CADPS2: variants seen among roughly 807,000 people sequenced by gnomAD.
The protein encoded by CADPS2 is calcium dependent secretion activator 2.
A neutral mutation model predicts 172.5 loss-of-function variants in CADPS2; 93 were observed. The observed-to-expected ratio is 0.54, with a 90% confidence interval of 0.46 to 0.64. The LOEUF is 0.64. Ranked by LOEUF, CADPS2 falls within the 30% of genes least tolerant of loss-of-function variation. CADPS2 has a pLI of 0.00. For synonymous variants in CADPS2, 546 were observed against 555.2 expected (o/e 0.98, Z 0.23); for missense variants, 1,420 against 1,565.9 (o/e 0.91, Z 1.57).
chr7:122,451,518 T>C (rs1157262683), intron 14 of CADPS2, 43 bp from the exon 15 acceptor site: 1 of 1,116,958 alleles, frequency 9.0e-7, no homozygotes, highest in East Asian at 2.7e-5. Context: ...TGATCGAACA[T>C]TTACTTTTAT....
intron 1 of CADPS2, among the ~76,000 whole-genome samples, chr7:122,756,503 T>C (rs540172176): frequency 6.6e-5 from 10 of 152,262 alleles, no homozygotes; most frequent in South Asian, 4.1e-4. Flanking sequence ...AAGGAAGACA[T>C]AGATGTTACA....
rs71531909 is a variant in CADPS2 at position 122,649,898 on chromosome 7, A to ATTTTTTTTTTTTTTTTTTTTTTTTTTT, written c.786+13312_786+13338dup. Reference sequence around the variant, plus strand: ...TGACATTTTTCTTAAGTATTCAATGATTTTTTTTTTTTTTTTTTTTTTTTT... The same window carrying ATTTTTTTTTTTTTTTTTTTTTTTTTTT: ...TGACATTTTTCTTAAGTATTCAATGATTTTTTTTTTTTTTTTTTTTTTTTTTTTTTTTTTTTTTTTTTTTTTTTTTTT... On this transcript the variant is annotated intron_variant, in intron 3 of 29. Coordinates refer to ENST00000449022, the MANE Select transcript of CADPS2 (RefSeq NM_017954.11). Among the ~76,000 whole-genome samples, 4 of 52,020 alleles carry ATTTTTTTTTTTTTTTTTTTTTTTTTTT rather than the reference A, an allele frequency of 7.7e-5. 1 individual carries two copies. Among genetic ancestry groups the ATTTTTTTTTTTTTTTTTTTTTTTTTTT allele is most frequent in the African/African-American group, 2.4e-4 (3 of 12,546 alleles). The allele number at this position is 52,020 out of a possible 152,430, so 34.1% of individuals were successfully genotyped here.
intron 1 of CADPS2, among the ~76,000 whole-genome samples, chr7:122,824,942 TCTGA>T (rs1269172008): frequency 6.6e-6 from 1 of 152,206 alleles, no homozygotes; most frequent in Non-Finnish European, 1.5e-5. Context: ...TTCTCACTGA[TCTGA>T]CTGAGATGCT....
intron 15 of CADPS2, among the ~76,000 whole-genome samples, chr7:122,445,090 C>A (rs1205124312): frequency 6.6e-6 from 1 of 152,190 alleles, no homozygotes; most frequent in South Asian, 2.1e-4. Context: ...TTTGGACTTT[C>A]AGTAGCATAC....
At chr7:122,776,853 A>G (rs2093898542) in intron 1 of CADPS2, among the ~76,000 whole-genome samples, 4 of 152,188 alleles carry the variant, frequency 2.6e-5, no homozygotes. Flanking sequence ...AACTCTAGCA[A>G]CAATAATAAC....
At chr7:122,373,438 C>T (rs1182864357) in intron 25 of CADPS2, among the ~76,000 whole-genome samples, 4 of 152,074 alleles carry the variant, frequency 2.6e-5, no homozygotes, top group Non-Finnish European at 5.9e-5. Flanking sequence ...GAATCATTGC[C>T]TTACAAGATG....
intron 2 of CADPS2, among the ~76,000 whole-genome samples, chr7:122,709,868 G>A (rs1333225761): frequency 6.6e-6 from 1 of 151,754 alleles, no homozygotes; most frequent in African/African-American, 2.4e-5. Context: ...GAGAACACAT[G>A]GACACAGGAA....
intron 1 of CADPS2, among the ~76,000 whole-genome samples, chr7:122,836,916 C>G (rs1266364100): frequency 6.6e-6 from 1 of 152,024 alleles, no homozygotes; most frequent in African/African-American, 2.4e-5. Context: ...CTCAGCTCTG[C>G]ACCAAGCGGA....
chr7:122,362,683 T>C (rs1390540133), intron 25 of CADPS2, among the ~76,000 whole-genome samples: 2 of 152,184 alleles, frequency 1.3e-5, no homozygotes, highest in Non-Finnish European at 1.5e-5. Context: ...ACAAGGTTTT[T>C]TCAATAGGAA....
At chr7:122,830,339 T>C (rs1267300380) in intron 1 of CADPS2, among the ~76,000 whole-genome samples, 1 of 152,098 alleles carries the variant, frequency 6.6e-6, no homozygotes, top group Non-Finnish European at 1.5e-5. Flanking sequence ...ATTCCATTCA[T>C]TGACACTGCA....
chr7:122,530,738 A>T (rs2061685351), intron 8 of CADPS2, among the ~76,000 whole-genome samples: 1 of 152,184 alleles, frequency 6.6e-6, no homozygotes, highest in Non-Finnish European at 1.5e-5. Context: ...ACTTTGCTAC[A>T]AGATTCACTT....
chr7:122,702,416 A>C (rs1245685979), intron 2 of CADPS2: 1 of 1,613,590 alleles, frequency 6.2e-7, no homozygotes, highest in Admixed American at 1.7e-5. Context: ...TTTATGTGTA[A>C]AAGTACAGCC....
rs913629132 is a variant in CADPS2 at position 122,490,339 on chromosome 7, T to C, written c.1652-58A>G. ...TTTATAGGATTGGCAGATTTTCGTCTCATTCACTAACTGACCTCATGGAAA... is the reference window on the plus strand; with the variant it reads ...TTTATAGGATTGGCAGATTTTCGTCCCATTCACTAACTGACCTCATGGAAA... On this transcript the variant is annotated intron_variant, in intron 10 of 29. Transcript: ENST00000449022. 12 of 1,404,998 alleles carry C rather than the reference T, an allele frequency of 8.5e-6. No homozygotes were observed. The Admixed American group carries it at 1.2e-4, about 14-fold the overall frequency. The allele number at this position is 1,404,998 out of a possible 1,614,324, so 87.0% of individuals were successfully genotyped here.
intron 8 of CADPS2, among the ~76,000 whole-genome samples, chr7:122,532,967 A>T (rs946353516): frequency 6.6e-6 from 1 of 152,028 alleles, no homozygotes; most frequent in Non-Finnish European, 1.5e-5. Flanking sequence ...AGAATGCCCA[A>T]CCTAGTGCTT....
At chr7:122,836,437 C>T (rs1405694278) in intron 1 of CADPS2, among the ~76,000 whole-genome samples, 2 of 151,842 alleles carry the variant, frequency 1.3e-5, no homozygotes, top group East Asian at 1.9e-4. Context: ...CAATATTAAC[C>T]TTAAATGTAA....
At chr7:122,511,724 A>G (rs771428408) in intron 9 of CADPS2, among the ~76,000 whole-genome samples, 1 of 152,206 alleles carries the variant, frequency 6.6e-6, no homozygotes, top group Non-Finnish European at 1.5e-5. Context: ...TGCTGTTTCC[A>G]TGAAAAATCA....
intron 2 of CADPS2, among the ~76,000 whole-genome samples, chr7:122,700,324 CA>C (rs1198082309): frequency 1.3e-5 from 2 of 152,002 alleles, no homozygotes; most frequent in African/African-American, 4.8e-5. Context: ...TAATTTGAGA[CA>C]AGAAAGATGA....
At chr7:122,716,931 T>C (rs1366992567) in intron 2 of CADPS2, among the ~76,000 whole-genome samples, 2 of 152,108 alleles carry the variant, frequency 1.3e-5, no homozygotes, top group Non-Finnish European at 2.9e-5. Context: ...AATGTGAACA[T>C]GACTTTTTCT....
At chr7:122,535,551 G>C (rs539744530) in intron 8 of CADPS2, among the ~76,000 whole-genome samples, 3 of 151,938 alleles carry the variant, frequency 2.0e-5, no homozygotes, top group African/African-American at 7.2e-5. Flanking sequence ...GTCTGTTAAA[G>C]AACCTTTCCA....
Sources: allele counts gnomAD v4.1 joint callset (sites outside exome capture counted in the v4.1 genomes callset), GRCh38; gene constraint gnomAD v4.1.1; transcripts MANE v1.5; gene names NCBI Gene and HGNC (gene_info 2026-07-23, HGNC 2026-07-21).